Variants in TENM4 observed in about 807,000 individuals in gnomAD.
TENM4 encodes teneurin-4.
Under a neutral mutation model 243.3 loss-of-function variants are expected in TENM4, and 82 were observed. That is an observed-to-expected ratio of 0.34 (90% CI 0.28 to 0.40). TENM4 has a LOEUF of 0.40. Among genes scored for constraint, TENM4 ranks in the 10% least tolerant of loss-of-function variants. The pLI, the probability that TENM4 is intolerant of heterozygous loss-of-function variation, is 1.00. For synonymous variants in TENM4, 1,412 were observed against 1,456.3 expected (o/e 0.97, Z 0.69); for missense variants, 3,138 against 3,673.3 (o/e 0.85, Z 3.77).
intron 5 of TENM4, among the ~76,000 whole-genome samples, chr11:79,065,767 T>C (rs1442556176): frequency 6.7e-6 from 1 of 149,608 alleles, no homozygotes; most frequent in Non-Finnish European, 1.5e-5. Context: ...TGGGCAGGCC[T>C]GGCAATGCCT....
intron 4 of TENM4, among the ~76,000 whole-genome samples, chr11:79,103,703 A>G (rs1861291102): frequency 6.6e-6 from 1 of 152,228 alleles, no homozygotes; most frequent in Non-Finnish European, 1.5e-5. Context: ...AAATGTAAAG[A>G]AAAAAATTGC....
chr11:79,314,655 A>T (rs1856775980), intron 1 of TENM4, among the ~76,000 whole-genome samples: 1 of 152,306 alleles, frequency 6.6e-6, no homozygotes, highest in South Asian at 2.1e-4. Context: ...TATTTGTTAG[A>T]TGCTTTATGG....
intron 17 of TENM4, among the ~76,000 whole-genome samples, chr11:78,775,947 G>GA (rs1358759268): frequency 1.3e-5 from 2 of 152,166 alleles, no homozygotes; most frequent in African/African-American, 2.4e-5. Context: ...CAGAATCCTT[G>GA]AAGGTATTTA....
chr11:78,918,678 C>G (rs1856376795), intron 6 of TENM4, among the ~76,000 whole-genome samples: 1 of 146,442 alleles, frequency 6.8e-6, no homozygotes, highest in Non-Finnish European at 1.5e-5. Context: ...GTGTAGATCT[C>G]CAGGCCTGGC....
At chr11:79,140,930 T>A (rs968433220) in intron 4 of TENM4, among the ~76,000 whole-genome samples, 2 of 151,900 alleles carry the variant, frequency 1.3e-5, no homozygotes, top group Admixed American at 1.3e-4. Context: ...CCTGCAGAGG[T>A]AGCTGGGCCT....
At chr11:78,919,765 G>A (rs1435314406) in intron 6 of TENM4, among the ~76,000 whole-genome samples, 1 of 152,036 alleles carries the variant, frequency 6.6e-6, no homozygotes, top group Non-Finnish European at 1.5e-5. Context: ...GCTTAAAAAC[G>A]TGAGTTGGAG....
At chr11:79,414,157 T>TACACAC (rs10587790) in intron 1 of TENM4, among the ~76,000 whole-genome samples, 11 of 150,850 alleles carry the variant, frequency 7.3e-5, no homozygotes, top group South Asian at 6.4e-4. Flanking sequence ...CACACATGTG[T>TACACAC]ACACACACAC....
At chr11:78,702,974 C>T (rs1346844751) in intron 27 of TENM4, among the ~76,000 whole-genome samples, 1 of 152,226 alleles carries the variant, frequency 6.6e-6, no homozygotes, top group Non-Finnish European at 1.5e-5. Flanking sequence ...CATGGATTAA[C>T]AGCTGGCTAG....
chr11:79,351,674 C>G (rs1857417455), intron 1 of TENM4, among the ~76,000 whole-genome samples: 1 of 151,998 alleles, frequency 6.6e-6, no homozygotes, highest in African/African-American at 2.4e-5. Context: ...CCACTGCACT[C>G]CAGCCTGGGT....
intron 17 of TENM4, among the ~76,000 whole-genome samples, chr11:78,773,381 A>G (rs187486261): frequency 6.6e-6 from 1 of 152,252 alleles, no homozygotes; most frequent in Non-Finnish European, 1.5e-5. Context: ...GGGGCGGTTA[A>G]GTAAGGTATG....
At chr11:79,104,601 G>A (rs573061346) in intron 4 of TENM4, among the ~76,000 whole-genome samples, 105 of 152,264 alleles carry the variant, frequency 6.9e-4, no homozygotes, top group Middle Eastern at 3.4e-3. Flanking sequence ...TGATTTAACC[G>A]GACCCTGCAG....
At chr11:79,020,135 C>G (rs1451647818) in intron 6 of TENM4, among the ~76,000 whole-genome samples, 1 of 152,156 alleles carries the variant, frequency 6.6e-6, no homozygotes, top group Non-Finnish European at 1.5e-5. Context: ...CAGGGTAAAA[C>G]AAAGCTTCTT....
In TENM4 at chr11:79,440,745, C is replaced by CCCGCTCCCGG. The variant is rs1282441421; in HGVS notation, c.-567_-558dup. ...TCCAGCCGCGCGCGCACGACCGGCT[C>CCCGCTCCCGG]CCGCTCCCGGCCGCTCCCGGCCGGC... On this transcript the variant is annotated 5_prime_UTR_variant, in exon 1 of 34. It introduces an in-frame stop codon into an upstream open reading frame of the 5' UTR. Coordinates refer to ENST00000278550, the MANE Select transcript of TENM4 (RefSeq NM_001098816.3). This position sits in a 1 kb window ranked among gnomAD's most constrained non-coding sequence, Gnocchi z 4.7. The CCCGCTCCCGG allele has an allele frequency of 1.3e-5, 2 of 152,332 alleles. No individual in the cohort carries two copies. The highest frequency in any genetic ancestry group is 6.6e-5 in the Admixed American group (1 of 15,252). The allele number at this position is 152,332 out of a possible 1,614,324, so 9.4% of individuals were successfully genotyped here. A position where few individuals can be genotyped will look rare whatever the true frequency, so the allele number is the denominator to read the frequency against.
intron 20 of TENM4, among the ~76,000 whole-genome samples, chr11:78,734,799 A>G (rs1246651419): frequency 6.6e-6 from 1 of 152,274 alleles, no homozygotes; most frequent in East Asian, 1.9e-4. Flanking sequence ...AGGGACATTG[A>G]GTCCTCTGTC....
chr11:78,664,194 T>C (rs1858096312), intron 32 of TENM4, among the ~76,000 whole-genome samples: 1 of 152,208 alleles, frequency 6.6e-6, no homozygotes, highest in Non-Finnish European at 1.5e-5. Flanking sequence ...GAATACAAAG[T>C]GTTACCATTT....
rs930003791 is a variant in TENM4 at position 78,908,046 on chromosome 11, C to G, written c.494-4523G>C. On this transcript the variant is annotated intron_variant, in intron 6 of 33. Coordinates refer to ENST00000278550, the MANE Select transcript of TENM4 (RefSeq NM_001098816.3). ...TTGCAGTTACTAGTGTCCTCCAACA[C>G]GTTAGGCAGTTTTCATTTTAGATGC... Among the ~76,000 whole-genome samples the G allele has an allele frequency of 2.0e-5, 3 of 152,192 alleles. No homozygotes were observed. The East Asian group carries it at 5.8e-4, about 29-fold the overall frequency.
At position 78,669,038 on chromosome 11, in the gene TENM4, C is replaced by T; in HGVS notation, c.7307G>A (p.Trp2436Ter). Reference sequence around the variant, plus strand: ...GACGTTGCTGCTACTAAGGTGCTTCCACAGCTCGTGGTCTGGGCTAGTCCA... The same window carrying T: ...GACGTTGCTGCTACTAAGGTGCTTCTACAGCTCGTGGTCTGGGCTAGTCCA... ...GRWTSPDHEL[W>*]KHLSSSNVMP... The change falls in exon 32 of 34, where the codon TGG becomes TAG. Residue 2436 changes from tryptophan to a stop codon, truncating the protein, a stop_gained. Coordinates refer to ENST00000278550, the MANE Select transcript of TENM4 (RefSeq NM_001098816.3). LOFTEE classifies it high-confidence loss of function. The surrounding 1 kb of genome is among the most constrained non-coding windows in gnomAD (Gnocchi z 6.4). 6.2e-7 allele frequency: 1 copy of T among 1,613,900 alleles called. No individual in the cohort carries two copies. The highest frequency in any genetic ancestry group is 8.5e-7 in the Non-Finnish European group (1 of 1,179,868).
chr11:79,140,314 G>A (rs972529304), intron 4 of TENM4, among the ~76,000 whole-genome samples: 20 of 151,920 alleles, frequency 1.3e-4, no homozygotes, highest in Admixed American at 8.5e-4. Flanking sequence ...CCTTCCCTCC[G>A]GGCTCCCTAC....
At chr11:79,366,353 T>C (rs1034818801) in intron 1 of TENM4, among the ~76,000 whole-genome samples, 4 of 152,256 alleles carry the variant, frequency 2.6e-5, no homozygotes, top group African/African-American at 7.2e-5. Context: ...TACTATGGCA[T>C]TTGCCAAGCT....
Sources: allele counts gnomAD v4.1 joint callset (sites outside exome capture counted in the v4.1 genomes callset), GRCh38; gene constraint gnomAD v4.1.1; non-coding constraint Gnocchi (gnomAD v3.1); transcripts MANE v1.5; gene names NCBI Gene and HGNC (gene_info 2026-07-23, HGNC 2026-07-21).